Variants in ARHGEF3 observed in about 807,000 individuals in gnomAD.
ARHGEF3 encodes the protein 59.8 kDA protein.
In ARHGEF3, 28 loss-of-function variants were observed where a neutral mutation model predicts 63.2. That is an observed-to-expected ratio of 0.44 (90% CI 0.33 to 0.61). ARHGEF3 has a LOEUF of 0.61. Among genes scored for constraint, ARHGEF3 ranks in the 20% least tolerant of loss-of-function variants. ARHGEF3 has a pLI of 0.03. For missense variants in ARHGEF3, 533 were observed against 659.3 expected (o/e 0.81, Z 2.10); for synonymous variants, 266 against 254.2 (o/e 1.05, Z -0.44).
chr3:56,729,376 T>C lies in ARHGEF3; in HGVS notation c.1475A>G (p.Glu492Gly). The C allele has an allele frequency of 2.5e-6, 4 of 1,614,144 alleles. No homozygotes were observed. The highest frequency in any genetic ancestry group is 3.4e-6 in the Non-Finnish European group (4 of 1,180,026). ...KLEQMDQSDS[E>G]SDCSMDTSEV... ...ACTCGTGTCCATACTACAGTCTGAC[T>C]CACTGTCCGATTGGTCCATCTGCTC... Residue 492 changes from glutamate to glycine, a missense_variant, in exon 10 of 10, where the codon GAG becomes GGG. Coordinates refer to ENST00000296315, the MANE Select transcript of ARHGEF3 (RefSeq NM_019555.3).
chr3:56,742,500 G>C (rs2034102323), intron 7 of ARHGEF3, among the ~76,000 whole-genome samples: 1 of 152,032 alleles, frequency 6.6e-6, no homozygotes, highest in African/African-American at 2.4e-5. Context: ...AGCGCTCTCT[G>C]ATTTTTCCCT....
chr3:56,851,752 T>C (rs1271697069), intron 4 of ARHGEF3, among the ~76,000 whole-genome samples: 2 of 151,410 alleles, frequency 1.3e-5, no homozygotes, highest in Non-Finnish European at 2.9e-5. Context: ...GAAGAAAAAT[T>C]AGAAGATACA....
chr3:56,754,516 T>G (rs776433571), intron 3 of ARHGEF3, among the ~76,000 whole-genome samples: 2 of 152,174 alleles, frequency 1.3e-5, no homozygotes, highest in Non-Finnish European at 2.9e-5. Context: ...CACAAGCACT[T>G]AAACAAGCTC....
intron 2 of ARHGEF3, among the ~76,000 whole-genome samples, chr3:56,996,890 A>ATTATT (rs1553801009): frequency 0.039 from 5,291 of 136,336 alleles, 136 homozygotes; most frequent in Middle Eastern, 0.086. Context: ...TATTATTATT[A>ATTATT]TTTTTTTTTT....
chr3:56,879,173 A>G (rs1291071762), intron 4 of ARHGEF3, among the ~76,000 whole-genome samples: 2 of 152,234 alleles, frequency 1.3e-5, no homozygotes, highest in Non-Finnish European at 2.9e-5. Context: ...GAAATAAAGT[A>G]CACAATAAAT....
chr3:57,008,144 G>A (rs539750518), intron 2 of ARHGEF3, among the ~76,000 whole-genome samples: 8 of 151,702 alleles, frequency 5.3e-5, no homozygotes, highest in Admixed American at 1.3e-4. Context: ...GTTGAGCCAC[G>A]CTACATGTAC....
intron 2 of ARHGEF3, among the ~76,000 whole-genome samples, chr3:56,959,052 C>T (rs1700167294): frequency 6.6e-6 from 1 of 152,178 alleles, no homozygotes. Context: ...CAGCCAAATT[C>T]ACCCCAAACT....
chr3:56,968,245 T>A (rs1415412926), intron 2 of ARHGEF3, among the ~76,000 whole-genome samples: 1 of 43,044 alleles, frequency 2.3e-5, no homozygotes, highest in Non-Finnish European at 4.2e-5. Flanking sequence ...AATATATATA[T>A]TAATATATAA....
intron 2 of ARHGEF3, among the ~76,000 whole-genome samples, chr3:57,014,151 T>C (rs1289265848): frequency 6.6e-6 from 1 of 151,534 alleles, no homozygotes. Context: ...GCGGGAAGGT[T>C]TGCAGCTTCA....
At chr3:56,959,081 A>G (rs970031738) in intron 2 of ARHGEF3, among the ~76,000 whole-genome samples, 1 of 152,236 alleles carries the variant, frequency 6.6e-6, no homozygotes, top group Non-Finnish European at 1.5e-5. Context: ...GTTCCCCAGC[A>G]GGAAAGTCCC....
intron 2 of ARHGEF3, among the ~76,000 whole-genome samples, chr3:56,992,491 A>G (rs574888151): frequency 6.7e-6 from 1 of 150,230 alleles, no homozygotes; most frequent in Non-Finnish European, 1.5e-5. Context: ...CTGACTGTCA[A>G]CTTGAGTCCC....
chr3:56,820,364 A>G (rs980498191), intron 4 of ARHGEF3, among the ~76,000 whole-genome samples: 10 of 152,216 alleles, frequency 6.6e-5, no homozygotes, highest in Non-Finnish European at 1.2e-4. Flanking sequence ...AAACGGGGAT[A>G]GAGGAAAACA....
chr3:56,875,957 G>C (rs554001624), intron 4 of ARHGEF3, among the ~76,000 whole-genome samples: 5 of 152,278 alleles, frequency 3.3e-5, no homozygotes, highest in African/African-American at 1.2e-4. Context: ...GGTGGTGGTG[G>C]TAGGGAATGG....
intron 2 of ARHGEF3, among the ~76,000 whole-genome samples, chr3:56,998,573 A>G (rs1378066179): frequency 6.6e-6 from 1 of 152,132 alleles, no homozygotes; most frequent in East Asian, 1.9e-4. Flanking sequence ...TGGGGGTGCC[A>G]CAGCTGAGCC....
chr3:56,971,417 C>T (rs535493618), intron 2 of ARHGEF3, among the ~76,000 whole-genome samples: 9 of 152,172 alleles, frequency 5.9e-5, no homozygotes, highest in Admixed American at 3.3e-4. Context: ...AACAAAAAGG[C>T]CCTCAAATGC....
chr3:56,881,989 C>G (rs2040780483), intron 4 of ARHGEF3, among the ~76,000 whole-genome samples: 1 of 152,230 alleles, frequency 6.6e-6, no homozygotes, highest in Non-Finnish European at 1.5e-5. Flanking sequence ...CTTCTGGAAC[C>G]AGCCTCTAAA....
Position 57,002,485 on chromosome 3 carries a change from A to ATATATATATGT in ARHGEF3, c.62+32602_62+32603insACATATATATA, listed in dbSNP as rs1553802506. Reference sequence around the variant, plus strand: ...CACTATATATATATATATGTTATATATATATATATATGTTATATATATATA... The same window carrying ATATATATATGT: ...CACTATATATATATATATGTTATATATATATATATGTTATATATATATGTTATATATATATA... On this transcript the variant is annotated intron_variant, in intron 2 of 12. Transcript: ENST00000338458. 1.1e-4 allele frequency among the ~76,000 whole-genome samples: 5 copies of ATATATATATGT among 45,074 alleles called. 1 individual carries two copies. Among genetic ancestry groups the ATATATATATGT allele is most frequent in the Non-Finnish European group, 2.1e-4 (5 of 23,386 alleles). The allele number at this position is 45,074 out of a possible 152,430, so 29.6% of individuals were successfully genotyped here.
intron 4 of ARHGEF3, among the ~76,000 whole-genome samples, chr3:56,810,336 G>A (rs554817084): frequency 4.5e-4 from 68 of 152,208 alleles, no homozygotes; most frequent in Middle Eastern, 3.4e-3. Context: ...TTGAGCCCAG[G>A]AGTTGGAGAC....
At chr3:56,903,427 G>A (rs2041588079) in intron 3 of ARHGEF3, among the ~76,000 whole-genome samples, 1 of 152,194 alleles carries the variant, frequency 6.6e-6, no homozygotes, top group African/African-American at 2.4e-5. Context: ...TCTTGCCCAA[G>A]GGCACTTGCA....
Sources: gnomAD v4.1 joint callset for allele counts (sites outside exome capture counted in the v4.1 genomes callset) on GRCh38, gnomAD v4.1.1 for gene constraint, MANE v1.5 for transcripts, NCBI Gene and HGNC (gene_info 2026-07-23, HGNC 2026-07-21) for gene names.